Variants in VWA2 observed in about 807,000 individuals in gnomAD.
VWA2 encodes von Willebrand factor A domain-containing protein 2.
A neutral mutation model predicts 70.4 loss-of-function variants in VWA2; 73 were observed. The ratio of observed to expected loss-of-function variants is 1.04; its 90% CI spans 0.86 to 1.26. The LOEUF (loss-of-function observed/expected upper bound fraction) is 1.26, where lower values mean the gene tolerates loss of function less well. Ranked by LOEUF, VWA2 falls within the 50% of genes most tolerant of loss-of-function variation. The pLI is 0.00. For synonymous variants in VWA2, 407 were observed against 423.3 expected, an observed-to-expected ratio of 0.96 and a Z score of 0.47; for missense variants, 1,011 against 998.5, an observed-to-expected ratio of 1.01 and a Z score of -0.17.
chr10:114,275,412 C>T (rs1429456816), intron 6 of VWA2, among the ~76,000 whole-genome samples: 3 of 152,192 alleles, frequency 2.0e-5, no homozygotes, highest in East Asian at 3.9e-4. Context: ...CCTCTGCCCG[C>T]CGTTTCCCAC....
In VWA2 at chr10:114,285,872, T is replaced by C. The variant is rs1228781314; in HGVS notation, c.998-67T>C. ...TCCCTCCTGGGAGATGTTCGGCATC[T>C]CGGGTGGGACAGCTCGCATGCCGCA... is the stretch of plus-strand genomic sequence containing the variant. On this transcript the variant is annotated intron_variant, in intron 10 of 13. Transcript: ENST00000392982. 4.1e-6 allele frequency: 6 copies of C among 1,459,368 alleles called. No individual in the cohort carries two copies. The African/African-American group carries it at 8.4e-5, about 21-fold the overall frequency. 90.4% of individuals were successfully genotyped at this position (1,459,368 alleles called of 1,614,324 possible).
chr10:114,290,043 G>A, intron 12 of VWA2, 197 bp from the exon 13 acceptor site: 1 of 558,672 alleles, frequency 1.8e-6, no homozygotes, highest in Non-Finnish European at 3.0e-6. Flanking sequence ...CTGAGCAATG[G>A]ACTCTCCATG....
chr10:114,249,566 A>G (rs1304356749), intron 2 of VWA2, among the ~76,000 whole-genome samples: 1 of 152,134 alleles, frequency 6.6e-6, no homozygotes, highest in Non-Finnish European at 1.5e-5. Flanking sequence ...CTCAGCTCCC[A>G]CTTGTAAGTG....
rs2036931668 is a variant in VWA2, at chr10:114,239,351, C to T, written c.-229C>T. ...CCTGGGCCGATGCCGCTTTAAAAAA[C>T]GCGAGGGGCTCTATGCACCTCCCTG... On this transcript the variant is annotated 5_prime_UTR_variant, in exon 1 of 14. In the 5' UTR this introduces an upstream ATG that the reference lacks. Transcript: ENST00000392982. 6.6e-6 allele frequency: 1 copy of T among 152,262 alleles called. No individual in the cohort carries two copies. Among genetic ancestry groups the T allele is most frequent in the African/African-American group, 2.4e-5 (1 of 41,470 alleles). 9.4% of individuals were successfully genotyped at this position (152,262 alleles called of 1,614,324 possible).
At chr10:114,273,485 G>A (rs1282405576) in intron 6 of VWA2, among the ~76,000 whole-genome samples, 1 of 152,184 alleles carries the variant, frequency 6.6e-6, no homozygotes, top group Admixed American at 6.5e-5. Context: ...GGGGCCAAGG[G>A]AGTAGGAGTC....
rs145342717 is a variant in VWA2 at position 114,291,487 on chromosome 10, T to G, written c.*250T>G. ...AAACGATGTTGTTGAAAAGTTTTGA[T>G]GTGTAAGTAAATACCCACTTTCTGT... On this transcript the variant is annotated 3_prime_UTR_variant, in exon 14 of 14. Coordinates refer to ENST00000392982, the MANE Select transcript of VWA2 (RefSeq NM_001272046.2). The G allele has an allele frequency of 2.7e-3, 1,369 of 506,862 alleles. 4 individuals carry two copies. The highest frequency in any genetic ancestry group is 1.7e-3 in the Non-Finnish European group (486 of 288,980). 31.4% of individuals were successfully genotyped at this position (506,862 alleles called of 1,614,324 possible).
intron 4 of VWA2, among the ~76,000 whole-genome samples, chr10:114,257,470 A>G (rs545109493): frequency 1.5e-4 from 23 of 152,308 alleles, no homozygotes; most frequent in East Asian, 3.9e-4. Flanking sequence ...GAAGGGTCCT[A>G]TGGATTATTA....
At chr10:114,273,044 T>C in intron 6 of VWA2, 110 bp downstream of exon 6, 1 of 889,364 alleles carries the variant, frequency 1.1e-6, no homozygotes, top group Non-Finnish European at 1.6e-6. Flanking sequence ...GGTCCTTCCC[T>C]GGATCTGTCT....
chr10:114,248,136 C>T (rs2037113451), intron 1 of VWA2, among the ~76,000 whole-genome samples: 1 of 150,894 alleles, frequency 6.6e-6, no homozygotes, highest in Non-Finnish European at 1.5e-5. Flanking sequence ...CCTCTTCCTT[C>T]AGCCGGATTA....
In VWA2 at chr10:114,286,324, T is replaced by C. The variant is rs571888354; in HGVS notation, c.1383T>C (p.Val461=). 6.2e-7 allele frequency: 1 copy of C among 1,612,658 alleles called. No homozygotes were observed. Among genetic ancestry groups the C allele is most frequent in the Non-Finnish European group, 8.5e-7 (1 of 1,179,182 alleles). Residue 461 remains valine (V), a synonymous_variant, in exon 11 of 14, where the codon GTT becomes GTC. Coordinates refer to ENST00000392982, the MANE Select transcript of VWA2 (RefSeq NM_001272046.2). ...CTGAGTCACACTCCGAGGATGAGGT[T>C]GCGGGCCCAGCGCGTCACGCAAGGG... ...LLTESHSEDE[V]AGPARHARAR...
chr10:114,271,030 C>T (rs771468096), intron 5 of VWA2, among the ~76,000 whole-genome samples: 3 of 152,102 alleles, frequency 2.0e-5, no homozygotes, highest in African/African-American at 7.2e-5. Context: ...GACAGCTCCA[C>T]CCCACAATGA....
chr10:114,272,545 T>C (rs978548664), intron 5 of VWA2, among the ~76,000 whole-genome samples, 195 bp from the exon 6 acceptor site: 3 of 152,136 alleles, frequency 2.0e-5, no homozygotes, highest in Admixed American at 2.0e-4. Flanking sequence ...GGGGTGAATC[T>C]CAAGTGCATG....
chr10:114,258,687 A>G (rs899139732), intron 4 of VWA2, among the ~76,000 whole-genome samples: 3 of 152,228 alleles, frequency 2.0e-5, no homozygotes, highest in Non-Finnish European at 4.4e-5. Flanking sequence ...AAAGATGTAC[A>G]GTGAAAAGTC....
intron 2 of VWA2, among the ~76,000 whole-genome samples, chr10:114,249,536 A>G (rs544985457): frequency 2.0e-5 from 3 of 152,294 alleles, no homozygotes; most frequent in South Asian, 4.1e-4. Flanking sequence ...GATTACAGGC[A>G]TGAGCCACTG....
At chr10:114,249,631 C>T (rs965199068) in intron 2 of VWA2, among the ~76,000 whole-genome samples, 7 of 152,170 alleles carry the variant, frequency 4.6e-5, no homozygotes, top group African/African-American at 1.7e-4. Context: ...AGGAGAATGG[C>T]TTCTAGCTCC....
chr10:114,252,152 T>C (rs1042781562), intron 2 of VWA2, among the ~76,000 whole-genome samples: 4 of 152,196 alleles, frequency 2.6e-5, no homozygotes, highest in African/African-American at 4.8e-5. Context: ...ATAAATGCCA[T>C]TTTTTAAATG....
At chr10:114,290,389 T>C in intron 13 of VWA2, 24 bp downstream of exon 13, 1 of 1,549,794 alleles carries the variant, frequency 6.5e-7, no homozygotes, top group East Asian at 2.4e-5. Context: ...TTGCTCTGTA[T>C]GTGTGAGCCA....
rs1342946695 is a variant in VWA2 at position 114,289,641 on chromosome 10, A to AT, written c.2122+153dup. On this transcript the variant is annotated intron_variant, in intron 12 of 13. Transcript: ENST00000392982. The stretch of plus-strand genomic sequence containing the variant: ...GTTCTGTGCTAAACCCCATGCTCAC[A>AT]TAAAATCCTACAGTAGGCATAACCA... 4 of 823,968 alleles carry AT rather than the reference A, an allele frequency of 4.9e-6. No individual in the cohort carries two copies. The African/African-American group carries it at 6.8e-5, about 14-fold the overall frequency. 51.0% of individuals were successfully genotyped at this position (823,968 alleles called of 1,614,324 possible). A position where few individuals can be genotyped will look rare whatever the true frequency, so the allele number is the denominator to read the frequency against.
At chr10:114,282,396 G>C in intron 8 of VWA2, 120 bp from the exon 9 acceptor site, 2 of 785,466 alleles carry the variant, frequency 2.5e-6, no homozygotes, top group Non-Finnish European at 4.4e-6. Context: ...AAACCAGGAA[G>C]TCTTTCTTAC....
Sources: allele counts gnomAD v4.1 joint callset (sites outside exome capture counted in the v4.1 genomes callset), GRCh38; gene constraint gnomAD v4.1.1; transcripts MANE v1.5; gene names NCBI Gene and HGNC (gene_info 2026-07-23, HGNC 2026-07-21).